DHRS3: variants seen among roughly 807,000 people sequenced by gnomAD.
DHRS3 encodes the protein short-chain dehydrogenase/reductase 3.
Under a neutral mutation model 27.2 loss-of-function variants are expected in DHRS3, and 14 were observed. That is an observed-to-expected ratio of 0.52 (90% CI 0.34 to 0.81). The LOEUF is 0.81. Ranked by LOEUF, DHRS3 falls within the 30% of genes least tolerant of loss-of-function variation. The probability of loss-of-function intolerance (pLI) is 0.01; values close to 1 mark genes in which losing one functional copy is unlikely to be tolerated. For missense variants in DHRS3, 322 were observed against 406.2 expected, an observed-to-expected ratio of 0.79 and a Z score of 1.78; for synonymous variants, 165 against 175.9, an observed-to-expected ratio of 0.94 and a Z score of 0.49.
At position 12,573,215 on chromosome 1, in the gene DHRS3, G is replaced by A. The variant is rs189710998; in HGVS notation, c.699-362C>T. Among the ~76,000 whole-genome samples the A allele has an allele frequency of 3.3e-5, 5 of 152,294 alleles. No individual in the cohort carries two copies. The East Asian group carries it at 9.6e-4, about 29-fold the overall frequency. On this transcript the variant is annotated intron_variant, in intron 4 of 5. Transcript: ENST00000616661. ...CCTACACTCTGCTCCTTCAGGACAG[G>A]CCCATTTCTGTTCTTGTCACATCAC...
At position 12,580,640 on chromosome 1, in the gene DHRS3, T is replaced by A; in HGVS notation, c.222A>T (p.Lys74Asn). 1 of 1,613,992 alleles carries A rather than the reference T, an allele frequency of 6.2e-7. No homozygotes were observed. Among genetic ancestry groups the A allele is most frequent in the Non-Finnish European group, 8.5e-7 (1 of 1,179,974 alleles). The change falls in exon 2 of 6, where the codon AAA (lysine) becomes AAT (asparagine). Residue 74 changes from lysine (K) to asparagine (N), a missense_variant. Physicochemically the swap from Lys to Asn is moderately conservative, Grantham distance 94. Coordinates refer to ENST00000616661, the MANE Select transcript of DHRS3 (RefSeq NM_004753.7). ...RKIVLWGRTE[K>N]CLKETTEEIR... ...TCTCCTCCGTCGTCTCCTTCAGGCATTTCTCAGTCCGGCCCCAGAGAACAA... is the reference window on the plus strand; with the variant it reads ...TCTCCTCCGTCGTCTCCTTCAGGCAATTCTCAGTCCGGCCCCAGAGAACAA...
At chr1:12,598,990 G>T (rs1646818097) in intron 1 of DHRS3, among the ~76,000 whole-genome samples, 1 of 152,224 alleles carries the variant, frequency 6.6e-6, no homozygotes. Context: ...TCACTGAGCT[G>T]GTAGGCTCAA....
Position 12,618,126 on chromosome 1 carries a change from C to T in DHRS3, c.-778G>A, listed in dbSNP as rs1037602825. 2.0e-5 allele frequency among the ~76,000 whole-genome samples: 3 copies of T among 152,070 alleles called. No homozygotes were observed. The highest frequency in any genetic ancestry group is 7.2e-5 in the African/African-American group (3 of 41,394). On this transcript the variant is annotated 5_prime_UTR_variant, in exon 1 of 6. Coordinates refer to ENST00000616661, the MANE Select transcript of DHRS3 (RefSeq NM_004753.7). This position sits in a 1 kb window ranked among gnomAD's most constrained non-coding sequence, Gnocchi z 4.2. ...GGGAGTTGCCGCTCGATCCAGCTCC[C>T]CTTCTCTCCCTTTTTAGCATTTATT...
chr1:12,607,941 G>A (rs1450414093), intron 1 of DHRS3, among the ~76,000 whole-genome samples: 1 of 152,034 alleles, frequency 6.6e-6, no homozygotes, highest in Non-Finnish European at 1.5e-5. Flanking sequence ...GCAGTGGTGC[G>A]ATCTCCACTC....
chr1:12,617,154 C>T lies in DHRS3; in HGVS notation c.195G>A (p.Lys65=). ...TCCCTGGAGTCGCAGTGCCTGGTAC[C>T]TTTCTGGCGCCGCGCTCCGCGAACT... The part of the protein sequence containing the change: ...AREFAERGAR[K]IVLWGRTEKC... Residue 65 remains lysine, a splice_region_variant and synonymous_variant, in exon 1 of 6, where the codon AAG becomes AAA. Coordinates refer to ENST00000616661, the MANE Select transcript of DHRS3 (RefSeq NM_004753.7). 6.2e-7 allele frequency: 1 copy of T among 1,610,878 alleles called. No homozygotes were observed. The highest frequency in any genetic ancestry group is 8.5e-7 in the Non-Finnish European group (1 of 1,179,452).
chr1:12,601,132 C>T (rs1646833187), intron 1 of DHRS3, among the ~76,000 whole-genome samples: 1 of 152,026 alleles, frequency 6.6e-6, no homozygotes, highest in Non-Finnish European at 1.5e-5. Context: ...TGTCCTTCCA[C>T]AAGAAGGTGT....
At chr1:12,609,420 C>G (rs912118407) in intron 1 of DHRS3, among the ~76,000 whole-genome samples, 25 of 152,302 alleles carry the variant, frequency 1.6e-4, no homozygotes, top group African/African-American at 5.5e-4. Flanking sequence ...TGCCAGCTGC[C>G]TCCCACCCCC....
In DHRS3 at chr1:12,574,231, C is replaced by T. The variant is rs372208238; in HGVS notation, c.699-1378G>A. Among the ~76,000 whole-genome samples, 49 of 152,202 alleles carry T rather than the reference C, an allele frequency of 3.2e-4. No individual in the cohort carries two copies. Among genetic ancestry groups the T allele is most frequent in the African/African-American group, 1.0e-3 (43 of 41,544 alleles). ...TGTTACCCAGGCTGGAGTGCAGTGA[C>T]GTGATCACAGCTCACTGCAGCCTCG... On this transcript the variant is annotated intron_variant, in intron 4 of 5. Transcript: ENST00000616661. The surrounding 1 kb of genome is among the most constrained non-coding windows in gnomAD (Gnocchi z 4.6).
At chr1:12,571,827 C>T (rs1382933712) in intron 5 of DHRS3, among the ~76,000 whole-genome samples, 1 of 152,118 alleles carries the variant, frequency 6.6e-6, no homozygotes, top group Non-Finnish European at 1.5e-5. Flanking sequence ...AGCCACCGTG[C>T]CCGGCCACAT....
intron 5 of DHRS3, among the ~76,000 whole-genome samples, chr1:12,571,075 G>A (rs537002557): frequency 2.0e-5 from 3 of 152,346 alleles, no homozygotes; most frequent in African/African-American, 7.2e-5. Flanking sequence ...TTCCTGAAAA[G>A]GACTTCCAGG....
chr1:12,611,956 A>AATAAATAAATAAATAAATAT (rs1481366604), intron 1 of DHRS3, among the ~76,000 whole-genome samples: 1 of 151,910 alleles, frequency 6.6e-6, no homozygotes, highest in Non-Finnish European at 1.5e-5. Flanking sequence ...TAAATAAATA[A>AATAAATAAATAAATAAATAT]ATAAAAGCTC....
chr1:12,605,733 C>T (rs1646866167), intron 1 of DHRS3, among the ~76,000 whole-genome samples: 1 of 152,132 alleles, frequency 6.6e-6, no homozygotes, highest in South Asian at 2.1e-4. Flanking sequence ...AACATAAATT[C>T]TCCTAAAACT....
At chr1:12,606,010 C>T (rs1034924774) in intron 1 of DHRS3, among the ~76,000 whole-genome samples, 11 of 151,762 alleles carry the variant, frequency 7.2e-5, no homozygotes, top group Admixed American at 4.6e-4. Flanking sequence ...TGGTGACGTG[C>T]GCCTGTAGTC....
At chr1:12,605,015 G>A (rs1646860589) in intron 1 of DHRS3, among the ~76,000 whole-genome samples, 1 of 151,022 alleles carries the variant, frequency 6.6e-6, no homozygotes, top group Non-Finnish European at 1.5e-5. Flanking sequence ...AGGAGGTGGA[G>A]GTTGCAATGA....
chr1:12,577,874 A>G (rs937137059), intron 4 of DHRS3, among the ~76,000 whole-genome samples: 1 of 152,192 alleles, frequency 6.6e-6, no homozygotes, highest in Non-Finnish European at 1.5e-5. Flanking sequence ...TTTGCATATA[A>G]CAAAAGGTAT....
At position 12,586,839 on chromosome 1, in the gene DHRS3, T is replaced by C. The variant is rs1243340554; in HGVS notation, c.196-6173A>G. The stretch of plus-strand genomic sequence containing the variant: ...TCACTGTCCTGTAAGAGAAAGCACA[T>C]CTCCTCTCTTCAAGGGGTCCTGTGG... On this transcript the variant is annotated intron_variant, in intron 1 of 5. Transcript: ENST00000616661. This position sits in a 1 kb window ranked among gnomAD's most constrained non-coding sequence, Gnocchi z 5.0. 6.6e-6 allele frequency among the ~76,000 whole-genome samples: 1 copy of C among 151,322 alleles called. No individual in the cohort carries two copies. The highest frequency in any genetic ancestry group is 1.9e-4 in the East Asian group (1 of 5,186).
intron 5 of DHRS3, among the ~76,000 whole-genome samples, chr1:12,572,512 C>G (rs927618945): frequency 3.9e-5 from 6 of 152,194 alleles, no homozygotes; most frequent in African/African-American, 1.4e-4. Context: ...ATAGCTACAA[C>G]TCACATTAAC....
chr1:12,600,408 T>C (rs55728759), intron 1 of DHRS3: 342,727 of 983,582 alleles, frequency 0.35, 60,348 homozygotes, highest in East Asian at 0.41. Context: ...TGCTGTGTGC[T>C]CATAGGGAAG....
In DHRS3 at chr1:12,616,499, C is replaced by G. The variant is rs1049927460; in HGVS notation, c.195+655G>C. The stretch of plus-strand genomic sequence containing the variant: ...TGGGGAGGGATCCCTGGGGGGTGTA[C>G]TGGGGGGGAGGGGACAGGGTTGAAG... On this transcript the variant is annotated intron_variant, in intron 1 of 5. Coordinates refer to ENST00000616661, the MANE Select transcript of DHRS3 (RefSeq NM_004753.7). 1.4e-5 allele frequency: 13 copies of G among 949,676 alleles called. No individual in the cohort carries two copies. The African/African-American group carries it at 2.3e-4, about 17-fold the overall frequency. 58.8% of individuals were successfully genotyped at this position (949,676 alleles called of 1,614,324 possible). A position where few individuals can be genotyped will look rare whatever the true frequency, so the allele number is the denominator to read the frequency against.
Sources: allele counts gnomAD v4.1 joint callset (sites outside exome capture counted in the v4.1 genomes callset), GRCh38; gene constraint gnomAD v4.1.1; non-coding constraint Gnocchi (gnomAD v3.1); transcripts MANE v1.5; gene names NCBI Gene and HGNC (gene_info 2026-07-23, HGNC 2026-07-21).